MGAT4C: variants seen among roughly 807,000 people sequenced by gnomAD.
The protein encoded by MGAT4C is alpha-1,3-mannosyl-glycoprotein 4-beta-N-acetylglucosaminyltransferase C.
MGAT4C carries 19 observed loss-of-function variants against 40.1 expected under a neutral mutation model. The ratio of observed to expected loss-of-function variants is 0.47; its 90% CI spans 0.33 to 0.70. The LOEUF (loss-of-function observed/expected upper bound fraction) is 0.70. Among genes scored for constraint, MGAT4C ranks in the 30% least tolerant of loss-of-function variants. The pLI is 0.02. For synonymous variants in MGAT4C, 181 were observed against 187.1 expected (o/e 0.97, Z 0.27); for missense variants, 491 against 563.2 (o/e 0.87, Z 1.30).
chr12:86,104,657 C>G (rs1875807861), intron 1 of MGAT4C, among the ~76,000 whole-genome samples: 1 of 152,156 alleles, frequency 6.6e-6, no homozygotes, highest in Admixed American at 6.5e-5. Flanking sequence ...CATATTTACC[C>G]TTAGCAATTG....
intron 2 of MGAT4C, among the ~76,000 whole-genome samples, chr12:86,680,795 A>G (rs1795926479): frequency 6.6e-6 from 1 of 152,004 alleles, no homozygotes; most frequent in Non-Finnish European, 1.5e-5. Context: ...TAGGAAAATC[A>G]TTATATATAA....
intron 1 of MGAT4C, among the ~76,000 whole-genome samples, chr12:86,801,828 T>C (rs1952232366): frequency 8.0e-6 from 1 of 124,632 alleles, no homozygotes. Context: ...CTAACCCTAA[T>C]TCTTCCAGAA....
chr12:86,621,793 T>C lies in MGAT4C; in HGVS notation c.-229+105416A>G, dbSNP rs185639907. ...GTGCCCAGCTGCAACTAAGTTGACT[T>C]AACAATTTTTCAACTTTGCAGTGAT... On this transcript the variant is annotated intron_variant, in intron 2 of 7. Coordinates refer to the MGAT4C transcript ENST00000548651. 3.0e-3 allele frequency among the ~76,000 whole-genome samples: 462 copies of C among 152,314 alleles called. 2 individuals are homozygous for C. The highest frequency in any genetic ancestry group is 0.011 in the African/African-American group (441 of 41,578).
chr12:86,352,650 G>T (rs1187790411), intron 3 of MGAT4C, among the ~76,000 whole-genome samples: 1 of 152,004 alleles, frequency 6.6e-6, no homozygotes, highest in Non-Finnish European at 1.5e-5. Context: ...ACACCTTTCA[G>T]TTGTTTCTTA....
intron 2 of MGAT4C, among the ~76,000 whole-genome samples, chr12:86,564,210 C>G (rs1334379701): frequency 6.6e-6 from 1 of 152,072 alleles, no homozygotes; most frequent in African/African-American, 2.4e-5. Flanking sequence ...GTAGTAACTC[C>G]AATTGCAGCT....
At chr12:86,143,483 T>G (rs534836739) in intron 1 of MGAT4C, among the ~76,000 whole-genome samples, 1 of 152,196 alleles carries the variant, frequency 6.6e-6, no homozygotes, top group East Asian at 1.9e-4. Context: ...GTAATAGAGG[T>G]GTAGATAGCT....
At chr12:86,341,732 C>T (rs1418805240) in intron 3 of MGAT4C, among the ~76,000 whole-genome samples, 4 of 152,134 alleles carry the variant, frequency 2.6e-5, no homozygotes, top group Non-Finnish European at 5.9e-5. Context: ...CAGCACAGCA[C>T]AGCTGCTCTA....
At chr12:86,436,716 T>C (rs1190769100) in intron 2 of MGAT4C, among the ~76,000 whole-genome samples, 2 of 151,710 alleles carry the variant, frequency 1.3e-5, no homozygotes, top group African/African-American at 4.8e-5. Context: ...ATATTTTTCT[T>C]TAAAAGAGGT....
chr12:86,098,387 G>A (rs1257471894), intron 1 of MGAT4C, among the ~76,000 whole-genome samples: 3 of 151,532 alleles, frequency 2.0e-5, no homozygotes, highest in Non-Finnish European at 4.4e-5. Flanking sequence ...GAAAAGTTTT[G>A]ATGCAACTAC....
intron 2 of MGAT4C, among the ~76,000 whole-genome samples, chr12:86,459,711 C>T (rs1295486047): frequency 1.6e-5 from 2 of 126,070 alleles, no homozygotes; most frequent in African/African-American, 5.9e-5. Context: ...CCCCCACCCA[C>T]CCACATGCGC....
chr12:86,233,581 A>G lies in MGAT4C; in HGVS notation c.-57+22658T>C, dbSNP rs146274510. Among the ~76,000 whole-genome samples the G allele has an allele frequency of 6.2e-3, 942 of 152,250 alleles. 6 individuals carry two copies. Among genetic ancestry groups the G allele is most frequent in the Admixed American group, 0.01 (157 of 15,246 alleles). ...AATTCCAGGACAATTTCTTTCTGCT[A>G]CAACTACAAAGTGGGGTGAATTAAG... On this transcript the variant is annotated intron_variant, in intron 1 of 4. Transcript: ENST00000611864.
chr12:86,683,384 CT>C (rs1950017313), intron 2 of MGAT4C, among the ~76,000 whole-genome samples: 1 of 152,034 alleles, frequency 6.6e-6, no homozygotes, highest in African/African-American at 2.4e-5. Flanking sequence ...AACTTCTGAA[CT>C]TTACATAGTT....
chr12:86,612,013 A>G (rs1184593313), intron 2 of MGAT4C, among the ~76,000 whole-genome samples: 6 of 152,146 alleles, frequency 3.9e-5, no homozygotes, highest in Non-Finnish European at 8.8e-5. Flanking sequence ...AAGGTTTATC[A>G]CAACTTGGAG....
At chr12:86,825,860 T>C (rs796356329) in intron 1 of MGAT4C, among the ~76,000 whole-genome samples, 4 of 151,494 alleles carry the variant, frequency 2.6e-5, no homozygotes, top group African/African-American at 9.7e-5. Flanking sequence ...CTCCTCTGAC[T>C]AAAACAAGAA....
intron 3 of MGAT4C, 24 bp from the exon 4 acceptor site, chr12:85,983,694 G>A (rs1555199819): frequency 1.3e-6 from 2 of 1,509,524 alleles, no homozygotes; most frequent in Non-Finnish European, 1.8e-6. Context: ...AAGAAGCAAG[G>A]AAAATATATA....
At chr12:86,174,521 T>C (rs1448313648) in intron 1 of MGAT4C, among the ~76,000 whole-genome samples, 1 of 152,138 alleles carries the variant, frequency 6.6e-6, no homozygotes, top group East Asian at 1.9e-4. Flanking sequence ...CACTAATACA[T>C]GTGTTATCAT....
intron 4 of MGAT4C, among the ~76,000 whole-genome samples, chr12:86,307,944 C>A (rs932788133): frequency 1.3e-5 from 2 of 150,610 alleles, no homozygotes; most frequent in Admixed American, 1.3e-4. Flanking sequence ...ACCTCGTGAT[C>A]CGCCCGTCTC....
intron 1 of MGAT4C, among the ~76,000 whole-genome samples, chr12:86,093,652 T>G (rs1366993842): frequency 2.6e-5 from 4 of 151,898 alleles, no homozygotes; most frequent in Admixed American, 6.6e-5. Flanking sequence ...CGCTTGAACC[T>G]GGGAGGTGGA....
At chr12:86,799,670 A>T (rs1178989258) in intron 1 of MGAT4C, among the ~76,000 whole-genome samples, 1 of 151,654 alleles carries the variant, frequency 6.6e-6, no homozygotes, top group Non-Finnish European at 1.5e-5. Flanking sequence ...TCAATGTTTG[A>T]CCCTAATGTA....
Sources: gnomAD v4.1 joint callset for allele counts (sites outside exome capture counted in the v4.1 genomes callset) on GRCh38, gnomAD v4.1.1 for gene constraint, MANE v1.5 for transcripts, NCBI Gene and HGNC (gene_info 2026-07-23, HGNC 2026-07-21) for gene names.